Variants in SCHIP1 observed in about 807,000 individuals in gnomAD.
The protein encoded by SCHIP1 is schwannomin-interacting protein 1.
A neutral mutation model predicts 29.7 loss-of-function variants in SCHIP1; 8 were observed. That is an observed-to-expected ratio of 0.27 (90% CI 0.16 to 0.49). SCHIP1 has a LOEUF of 0.49. Among genes scored for constraint, SCHIP1 ranks in the 20% least tolerant of loss-of-function variants. The pLI is 0.99. For synonymous variants in SCHIP1, 76 were observed against 94.9 expected (o/e 0.80, Z 1.16); for missense variants, 193 against 294.6 (o/e 0.66, Z 2.52).
At chr3:159,856,585 A>C (rs1220955710) in intron 1 of SCHIP1, among the ~76,000 whole-genome samples, 2 of 152,210 alleles carry the variant, frequency 1.3e-5, no homozygotes, top group Non-Finnish European at 2.9e-5. Flanking sequence ...AATGCAGGGA[A>C]TCTGGTATTG....
At chr3:159,822,056 T>A in the SCHIP1 span, among the ~76,000 whole-genome samples, 1 of 152,248 alleles carries the variant, frequency 6.6e-6, no homozygotes, top group African/African-American at 2.4e-5. Context: ...AATTGTTTAT[T>A]TCTGGAATTT....
chr3:159,484,111 C>G, the SCHIP1 span, among the ~76,000 whole-genome samples: 32 of 152,240 alleles, frequency 2.1e-4, 1 homozygote, highest in African/African-American at 6.7e-4. Context: ...ACCAGAGACA[C>G]CACATGGGAA....
At chr3:159,577,919 CA>C in the SCHIP1 span, among the ~76,000 whole-genome samples, 2 of 152,274 alleles carry the variant, frequency 1.3e-5, 1 homozygote, top group East Asian at 3.9e-4. Flanking sequence ...AATATTTAAG[CA>C]ACTTTTCATA....
At chr3:159,591,837 A>G in the SCHIP1 span, among the ~76,000 whole-genome samples, 6 of 151,980 alleles carry the variant, frequency 3.9e-5, no homozygotes, top group African/African-American at 1.5e-4. Context: ...TAAAACATAG[A>G]TGAAGGGTTG....
At chr3:159,534,589 G>GA in the SCHIP1 span, among the ~76,000 whole-genome samples, 2 of 152,036 alleles carry the variant, frequency 1.3e-5, no homozygotes, top group Non-Finnish European at 1.5e-5. Flanking sequence ...GGGAAAGAGA[G>GA]AAAACAGAAG....
chr3:159,426,280 C>CTG, the SCHIP1 span, among the ~76,000 whole-genome samples: 2 of 152,014 alleles, frequency 1.3e-5, no homozygotes, highest in Non-Finnish European at 2.9e-5. Flanking sequence ...AATAGATAGA[C>CTG]CAGTAGCAAG....
the SCHIP1 span, among the ~76,000 whole-genome samples, chr3:159,461,418 T>C: frequency 5.9e-5 from 9 of 152,044 alleles, no homozygotes; most frequent in African/African-American, 2.2e-4. Flanking sequence ...TGGAATACAC[T>C]GCAGCCACTG....
At chr3:159,496,773 A>C in the SCHIP1 span, among the ~76,000 whole-genome samples, 5 of 152,192 alleles carry the variant, frequency 3.3e-5, no homozygotes, top group South Asian at 2.1e-4. Context: ...CCAAAGGACT[A>C]TAAATCATGC....
chr3:159,870,143 G>A (rs1715097463), intron 2 of SCHIP1, among the ~76,000 whole-genome samples: 1 of 151,608 alleles, frequency 6.6e-6, no homozygotes, highest in Non-Finnish European at 1.5e-5. Flanking sequence ...AGATTCCCTG[G>A]GATTTTTAAA....
chr3:159,311,183 T>A, the SCHIP1 span, among the ~76,000 whole-genome samples: 4 of 152,208 alleles, frequency 2.6e-5, no homozygotes, highest in Non-Finnish European at 5.9e-5. Context: ...AGCTTCCTTT[T>A]TGCTGTTTGT....
At chr3:159,275,094 C>T in the SCHIP1 span, 2 of 966,352 alleles carry the variant, frequency 2.1e-6, no homozygotes, top group Non-Finnish European at 2.5e-6. Flanking sequence ...GAGGATGTAA[C>T]AATTTTATAT....
At chr3:159,658,209 AG>A in the SCHIP1 span, among the ~76,000 whole-genome samples, 59 of 149,848 alleles carry the variant, frequency 3.9e-4, no homozygotes, top group African/African-American at 1.5e-3. Flanking sequence ...CCCAATTCAA[AG>A]ACAAAACATG....
the SCHIP1 span, among the ~76,000 whole-genome samples, chr3:159,344,173 T>C: frequency 6.6e-6 from 1 of 151,844 alleles, no homozygotes; most frequent in Non-Finnish European, 1.5e-5. Flanking sequence ...AGTACAAAAT[T>C]AGCCAGGCAT....
At chr3:159,642,546 T>C in the SCHIP1 span, among the ~76,000 whole-genome samples, 1 of 152,256 alleles carries the variant, frequency 6.6e-6, no homozygotes, top group African/African-American at 2.4e-5. Context: ...ATTCATTCCA[T>C]GAACAAACAC....
At chr3:159,535,724 A>G in the SCHIP1 span, among the ~76,000 whole-genome samples, 3 of 152,264 alleles carry the variant, frequency 2.0e-5, no homozygotes, top group Non-Finnish European at 2.9e-5. Flanking sequence ...TACAATGTTT[A>G]GAAGAAGGGT....
At chr3:159,600,220 G>A in the SCHIP1 span, among the ~76,000 whole-genome samples, 2 of 152,034 alleles carry the variant, frequency 1.3e-5, no homozygotes, top group African/African-American at 4.8e-5. Flanking sequence ...ATCTACCTGG[G>A]GATTGTTGAA....
the SCHIP1 span, among the ~76,000 whole-genome samples, chr3:159,678,773 G>A: frequency 6.6e-6 from 1 of 152,218 alleles, no homozygotes; most frequent in Non-Finnish European, 1.5e-5. Flanking sequence ...GGAGGCCTCA[G>A]AAAACTTACA....
chr3:159,707,358 T>C, the SCHIP1 span, among the ~76,000 whole-genome samples: 39 of 152,292 alleles, frequency 2.6e-4, 1 homozygote, highest in African/African-American at 9.4e-4. Context: ...TTATTTAAGC[T>C]CTCAGCACTT....
the SCHIP1 span, among the ~76,000 whole-genome samples, chr3:159,753,291 A>G: frequency 6.6e-6 from 1 of 152,192 alleles, no homozygotes; most frequent in Non-Finnish European, 1.5e-5. Context: ...CTAAATATCT[A>G]CTTGTCATCT....
Sources: allele counts gnomAD v4.1 joint callset (sites outside exome capture counted in the v4.1 genomes callset), GRCh38; gene constraint gnomAD v4.1.1; transcripts MANE v1.5; gene names NCBI Gene and HGNC (gene_info 2026-07-23, HGNC 2026-07-21).